SLC17A6: variants seen among roughly 807,000 people sequenced by gnomAD.
The protein encoded by SLC17A6 is solute carrier family 17 member 6, also known as vesicular glutamate transporter 2.
SLC17A6 carries 35 observed loss-of-function variants against 67.1 expected under a neutral mutation model. The ratio of observed to expected loss-of-function variants is 0.52; its 90% confidence interval spans 0.40 to 0.69. The LOEUF (loss-of-function observed/expected upper bound fraction) is 0.69. SLC17A6 is among the 30% of genes least tolerant of loss of function. The pLI is 0.00. For synonymous variants in SLC17A6, 285 were observed against 252.3 expected (o/e 1.13, Z -1.23); for missense variants, 588 against 723.9 (o/e 0.81, Z 2.15).
At position 22,343,275 on chromosome 11, in the gene SLC17A6, C is replaced by T; in HGVS notation, c.368C>T (p.Thr123Ile). Residue 123 changes from threonine (T) to isoleucine (I), a missense_variant, in exon 3 of 12, where the codon ACC becomes ATC. Physicochemically the swap from Thr to Ile is moderately conservative, Grantham distance 89. Transcript: ENST00000263160. Reference protein sequence around the residue: ...EKAKFNWDPETVGMIHGSFFW... With the variant: ...EKAKFNWDPEIVGMIHGSFFW... Reference sequence around the variant, plus strand: ...GCCAAATTCAACTGGGACCCGGAAACCGTGGGGATGATCCACGGTTCCTTC... The same window carrying T: ...GCCAAATTCAACTGGGACCCGGAAATCGTGGGGATGATCCACGGTTCCTTC... The T allele has an allele frequency of 6.2e-7, 1 of 1,612,960 alleles. No homozygotes were observed. Among genetic ancestry groups the T allele is most frequent in the Non-Finnish European group, 8.5e-7 (1 of 1,179,740 alleles).
intron 3 of SLC17A6, among the ~76,000 whole-genome samples, chr11:22,358,314 GTGTTTGTTTGTT>G (rs200535807): frequency 6.6e-6 from 1 of 151,984 alleles, no homozygotes; most frequent in Non-Finnish European, 1.5e-5. Context: ...CATTATAGAA[GTGTTTGTTTGTT>G]TGTTTGTTTG....
chr11:22,376,671 A>G lies in SLC17A6; in HGVS notation c.1412A>G (p.Lys471Arg). 1 of 1,613,834 alleles carries G rather than the reference A, an allele frequency of 6.2e-7. No homozygotes were observed. Among genetic ancestry groups the G allele is most frequent in the African/African-American group, 1.3e-5 (1 of 75,028 alleles). ...PIIVGAMTKN[K>R]SREEWQYVFL... is the part of the protein sequence containing the mutation. Reference sequence around the variant, plus strand: ...ATTGTTGGTGCAATGACAAAGAATAAGGTAAGATGGTCAAAACAGATGTTT... The same window carrying G: ...ATTGTTGGTGCAATGACAAAGAATAGGGTAAGATGGTCAAAACAGATGTTT... The change falls in exon 11 of 12, where the codon AAG becomes AGG. Residue 471 changes from lysine (K) to arginine (R), a missense_variant and splice_region_variant. By Grantham distance (26) the Lys-to-Arg change is conservative. Around this residue, in one of 4 missense-constraint regions of SLC17A6, gnomAD observed 414 missense variants for 563.4 expected, o/e 0.73. Coordinates refer to ENST00000263160, the MANE Select transcript of SLC17A6 (RefSeq NM_020346.3).
intron 3 of SLC17A6, among the ~76,000 whole-genome samples, chr11:22,350,229 A>G (rs1454812244): frequency 6.6e-6 from 1 of 152,192 alleles, no homozygotes; most frequent in Non-Finnish European, 1.5e-5. Context: ...TTTCTGTGTC[A>G]TGATTACTAT....
At chr11:22,365,819 T>C (rs1856105750) in intron 7 of SLC17A6, 130 bp downstream of exon 7, 3 of 951,188 alleles carry the variant, frequency 3.2e-6, no homozygotes, top group African/African-American at 1.7e-5. Context: ...TTTATTTTGG[T>C]CCATCCATAT....
intron 6 of SLC17A6, among the ~76,000 whole-genome samples, chr11:22,363,363 T>C (rs1316752147): frequency 2.0e-5 from 3 of 152,240 alleles, no homozygotes; most frequent in Non-Finnish European, 4.4e-5. Flanking sequence ...AGCCTCCACA[T>C]TGAAATAAAA....
intron 3 of SLC17A6, among the ~76,000 whole-genome samples, chr11:22,358,071 C>G (rs930312585): frequency 2.6e-5 from 4 of 152,086 alleles, no homozygotes; most frequent in Non-Finnish European, 4.4e-5. Context: ...ATAGAGGGTC[C>G]TTTTCAGAAA....
intron 6 of SLC17A6, among the ~76,000 whole-genome samples, chr11:22,365,015 A>G (rs1856094412): frequency 1.3e-5 from 2 of 152,098 alleles, no homozygotes; most frequent in South Asian, 4.1e-4. Context: ...TAATGTAGCC[A>G]CTCATGCTAA....
At chr11:22,341,037 G>T (rs1190553599) in intron 1 of SLC17A6, among the ~76,000 whole-genome samples, 1 of 152,228 alleles carries the variant, frequency 6.6e-6, no homozygotes, top group Non-Finnish European at 1.5e-5. Context: ...AGGCTCTCTA[G>T]TTGGGCCCGC....
chr11:22,370,234 T>G, intron 8 of SLC17A6, 46 bp downstream of exon 8: 1 of 1,501,056 alleles, frequency 6.7e-7, no homozygotes, highest in South Asian at 1.3e-5. Context: ...ACCTGTGTAT[T>G]TAAGTGAATA....
chr11:22,342,431 C>G (rs920702996), intron 2 of SLC17A6, among the ~76,000 whole-genome samples: 1 of 152,092 alleles, frequency 6.6e-6, no homozygotes, highest in East Asian at 1.9e-4. Flanking sequence ...GGGGAAGACT[C>G]TTGGAATCCG....
intron 3 of SLC17A6, among the ~76,000 whole-genome samples, chr11:22,352,485 A>G (rs900539664): frequency 3.9e-5 from 6 of 152,238 alleles, no homozygotes; most frequent in Admixed American, 1.3e-4. Flanking sequence ...TCACCTACAT[A>G]TACCTCAGAA....
chr11:22,343,517 G>A, intron 3 of SLC17A6, 152 bp downstream of exon 3: 1 of 612,504 alleles, frequency 1.6e-6, no homozygotes, highest in Non-Finnish European at 2.8e-6. Context: ...CAGGGCTGGA[G>A]CTGCTGGTGA....
At chr11:22,361,240 T>C (rs1856048626) in intron 5 of SLC17A6, 3 of 370,116 alleles carry the variant, frequency 8.1e-6, no homozygotes, top group Admixed American at 8.3e-5. Flanking sequence ...TCATGGGTGG[T>C]TTTTATAATA....
rs1270514013 is a variant in SLC17A6, at chr11:22,377,564, G to A, written c.1573G>A (p.Asp525Asn). The change falls in exon 12 of 12, where the codon GAT becomes AAT. Residue 525 changes from aspartate (D) to asparagine (N), a missense_variant. Asp to Asn is a conservative substitution (Grantham distance 23). Transcript: ENST00000263160. ...TGGATTTATTCATGAAGATGAACTC[G>A]ATGAAGAAACAGGGGACATTACTCA... ...KCGFIHEDEL[D>N]EETGDITQNY... 5 of 1,614,008 alleles carry A rather than the reference G, an allele frequency of 3.1e-6. No homozygotes were observed. Among genetic ancestry groups the A allele is most frequent in the South Asian group, 1.1e-5 (1 of 91,092 alleles).
At chr11:22,365,238 T>G (rs946380322) in intron 6 of SLC17A6, among the ~76,000 whole-genome samples, 1 of 152,202 alleles carries the variant, frequency 6.6e-6, no homozygotes, top group Admixed American at 6.5e-5. Flanking sequence ...GTGCCTAGAA[T>G]GCTAACTGCT....
chr11:22,343,397 C>T (rs760382700), intron 3 of SLC17A6, 32 bp downstream of exon 3: 48 of 1,562,890 alleles, frequency 3.1e-5, no homozygotes, highest in Non-Finnish European at 3.9e-5. Context: ...GGGCTCGGGG[C>T]GTGGTGTTTG....
At chr11:22,348,396 T>G (rs543144680) in intron 3 of SLC17A6, among the ~76,000 whole-genome samples, 31 of 152,216 alleles carry the variant, frequency 2.0e-4, no homozygotes, top group Middle Eastern at 3.4e-3. Context: ...ACTGAATTTT[T>G]TGTGTGTGTG....
intron 3 of SLC17A6, among the ~76,000 whole-genome samples, chr11:22,355,126 C>A (rs539131354): frequency 1.3e-5 from 2 of 152,186 alleles, no homozygotes; most frequent in South Asian, 4.2e-4. Flanking sequence ...TGTTAATATT[C>A]CCATTGTTTA....
chr11:22,350,831 CTATA>C (rs1016334793), intron 3 of SLC17A6, among the ~76,000 whole-genome samples: 1 of 152,100 alleles, frequency 6.6e-6, no homozygotes, highest in Admixed American at 6.5e-5. Context: ...TCAATTTCAG[CTATA>C]TATATATGTG....
Sources: gnomAD v4.1 joint callset for allele counts (sites outside exome capture counted in the v4.1 genomes callset) on GRCh38, gnomAD v4.1.1 for gene constraint, gnomAD v4.1.1 regional missense constraint, MANE v1.5 for transcripts, NCBI Gene and HGNC (gene_info 2026-07-23, HGNC 2026-07-21) for gene names.